Variants in SATB2 observed in about 807,000 individuals in gnomAD.
SATB2 encodes the protein SATB homeobox 2.
A neutral mutation model predicts 73.4 loss-of-function variants in SATB2; 1 was observed. The observed-to-expected ratio is 0.01, with a 90% CI of 0.00 to 0.06. The LOEUF (loss-of-function observed/expected upper bound fraction) is 0.06. Ranked by LOEUF, SATB2 falls within the 10% of genes least tolerant of loss-of-function variation. SATB2 has a pLI of 1.00. For synonymous variants in SATB2, 397 were observed against 367.0 expected (o/e 1.08, Z -0.93); for missense variants, 459 against 945.8 (o/e 0.49, Z 6.75).
chr2:199,421,684 C>G (rs916958730), intron 3 of SATB2, among the ~76,000 whole-genome samples: 1 of 152,130 alleles, frequency 6.6e-6, no homozygotes, highest in East Asian at 1.9e-4. Context: ...TGGGTAAGAA[C>G]AAGACAATTA....
intron 9 of SATB2, among the ~76,000 whole-genome samples, chr2:199,317,543 T>C (rs538140107): frequency 2.0e-4 from 31 of 152,244 alleles, no homozygotes; most frequent in African/African-American, 7.0e-4. Context: ...AGTGATAAGT[T>C]AAAAGTATTT....
intron 9 of SATB2, among the ~76,000 whole-genome samples, chr2:199,321,450 C>T (rs1394305990): frequency 2.7e-5 from 4 of 150,486 alleles, no homozygotes; most frequent in African/African-American, 2.4e-5. Flanking sequence ...CTCATATATA[C>T]ACCTTATAGA....
chr2:199,426,539 C>T (rs1691333171), intron 3 of SATB2, among the ~76,000 whole-genome samples: 1 of 151,832 alleles, frequency 6.6e-6, no homozygotes, highest in Non-Finnish European at 1.5e-5. Context: ...TCAGGTGCTC[C>T]ACCCGCCTTG....
chr2:199,305,996 A>G (rs536930671), intron 10 of SATB2, among the ~76,000 whole-genome samples: 29 of 152,340 alleles, frequency 1.9e-4, no homozygotes, highest in Non-Finnish European at 4.1e-4. Flanking sequence ...ACAAAAATGT[A>G]ACATCACCAA....
At chr2:199,396,791 C>G (rs1293823412) in intron 3 of SATB2, 2 of 152,116 alleles carry the variant, frequency 1.3e-5, no homozygotes, top group Non-Finnish European at 2.9e-5. Context: ...AACGGAAGGC[C>G]ATATTAGCAA....
intron 8 of SATB2, among the ~76,000 whole-genome samples, chr2:199,325,685 C>T (rs1182964410): frequency 6.6e-6 from 1 of 152,124 alleles, no homozygotes; most frequent in Non-Finnish European, 1.5e-5. Flanking sequence ...ATTGGTCAAG[C>T]CTTCTCTCCA....
At chr2:199,405,367 C>A (rs567802134) in intron 3 of SATB2, among the ~76,000 whole-genome samples, 16 of 152,242 alleles carry the variant, frequency 1.1e-4, no homozygotes, top group African/African-American at 3.9e-4. Context: ...GAGACTCCCC[C>A]ATAAAGAACT....
At chr2:199,280,606 G>T (rs928329942) in intron 10 of SATB2, among the ~76,000 whole-genome samples, 1 of 152,198 alleles carries the variant, frequency 6.6e-6, no homozygotes, top group Middle Eastern at 3.4e-3. Flanking sequence ...GGCCGCTTTG[G>T]GGGTGGCTGT....
intron 10 of SATB2, among the ~76,000 whole-genome samples, chr2:199,284,293 A>G (rs1692620419): frequency 6.6e-6 from 1 of 152,188 alleles, no homozygotes; most frequent in Non-Finnish European, 1.5e-5. Context: ...GTAAACCAGT[A>G]TTTTCCAAAT....
chr2:199,387,278 G>A (rs943048726), intron 3 of SATB2, among the ~76,000 whole-genome samples: 1 of 152,154 alleles, frequency 6.6e-6, no homozygotes, highest in African/African-American at 2.4e-5. Context: ...ATGTACCCAC[G>A]TCCAAGCGCC....
At chr2:199,352,503 G>A (rs559801401) in intron 6 of SATB2, among the ~76,000 whole-genome samples, 1 of 152,224 alleles carries the variant, frequency 6.6e-6, no homozygotes, top group Admixed American at 6.5e-5. Context: ...TGAGTTTCCA[G>A]GTGGATCCTT....
At chr2:199,381,543 T>C in intron 4 of SATB2, 151 bp downstream of exon 4, 2 of 1,101,606 alleles carry the variant, frequency 1.8e-6, no homozygotes, top group Non-Finnish European at 2.7e-6. Flanking sequence ...GCCACCCTTC[T>C]CCTTCTCTCC....
At chr2:199,336,730 T>C (rs898093914) in intron 7 of SATB2, among the ~76,000 whole-genome samples, 3 of 152,204 alleles carry the variant, frequency 2.0e-5, no homozygotes, top group African/African-American at 7.2e-5. Flanking sequence ...AAAGTCTGTT[T>C]ACCCCTGTAC....
At chr2:199,468,125 G>T (rs1462010529), upstream of SATB2, 3 of 149,664 alleles carry the variant, frequency 2.0e-5, no homozygotes, top group Non-Finnish European at 4.4e-5. Flanking sequence ...TGTGCCTGCA[G>T]TAGGGTCTCA....
chr2:199,312,952 C>T (rs781264283), intron 9 of SATB2, among the ~76,000 whole-genome samples: 3 of 152,062 alleles, frequency 2.0e-5, no homozygotes, highest in South Asian at 2.1e-4. Context: ...ACTTAAGAAC[C>T]GTCACAGACT....
At chr2:199,438,304 A>G (rs1215839399) in intron 2 of SATB2, among the ~76,000 whole-genome samples, 1 of 152,200 alleles carries the variant, frequency 6.6e-6, no homozygotes, top group Non-Finnish European at 1.5e-5. Flanking sequence ...ATAACAATAT[A>G]TAATTTTTTC....
At chr2:199,469,911 G>C (rs1285551400), upstream of SATB2, 1 of 152,416 alleles carries the variant, frequency 6.6e-6, no homozygotes, top group Non-Finnish European at 1.5e-5. Context: ...ATTGAGGGAA[G>C]GGGAGATGTG....
chr2:199,290,194 G>T (rs1692814085), intron 10 of SATB2, among the ~76,000 whole-genome samples: 3 of 152,240 alleles, frequency 2.0e-5, no homozygotes, highest in African/African-American at 7.2e-5. Flanking sequence ...GCCATGAGCA[G>T]CACTACGCCT....
intron 5 of SATB2, among the ~76,000 whole-genome samples, chr2:199,377,912 C>T (rs531476830): frequency 2.1e-4 from 32 of 152,210 alleles, no homozygotes; most frequent in Non-Finnish European, 4.0e-4. Context: ...CAGACAACTA[C>T]GTGAGCAAAC....
Sources: allele counts gnomAD v4.1 joint callset (sites outside exome capture counted in the v4.1 genomes callset), GRCh38; gene constraint gnomAD v4.1.1; transcripts MANE v1.5; gene names NCBI Gene and HGNC (gene_info 2026-07-23, HGNC 2026-07-21).